OXR1: variants seen among roughly 807,000 people sequenced by gnomAD.
The protein encoded by OXR1 is oxidation resistance protein 1.
A neutral mutation model predicts 104.6 loss-of-function variants in OXR1; 41 were observed. The observed-to-expected ratio is 0.39, with a 90% CI of 0.31 to 0.51. The LOEUF is 0.51. OXR1 is among the 20% of genes least tolerant of loss of function. The pLI, the probability that OXR1 is intolerant of heterozygous loss-of-function variation, is 0.77. For synonymous variants in OXR1, 348 were observed against 348.4 expected (o/e 1.00, Z 0.01); for missense variants, 955 against 1,031.9 (o/e 0.93, Z 1.02).
chr8:106,560,004 A>C (rs998681261), intron 3 of OXR1, among the ~76,000 whole-genome samples: 3 of 152,228 alleles, frequency 2.0e-5, no homozygotes, highest in Non-Finnish European at 4.4e-5. Context: ...TTGCACAGAC[A>C]TGCAGTTCTT....
chr8:106,344,357 A>G (rs1245973239), intron 1 of OXR1, among the ~76,000 whole-genome samples: 1 of 151,774 alleles, frequency 6.6e-6, no homozygotes, highest in Non-Finnish European at 1.5e-5. Flanking sequence ...TTGTTTTTTG[A>G]GACGGTGTCT....
chr8:106,678,043 CTG>C (rs1827779934), intron 3 of OXR1, among the ~76,000 whole-genome samples: 1 of 152,064 alleles, frequency 6.6e-6, no homozygotes. Flanking sequence ...TAACTTAACA[CTG>C]TGTCAGATGC....
chr8:106,581,398 G>A (rs941445967), intron 3 of OXR1: 14 of 420,222 alleles, frequency 3.3e-5, no homozygotes, highest in Middle Eastern at 4.1e-4. Context: ...TAGTAGATTC[G>A]GATATTTGTT....
intron 1 of OXR1, among the ~76,000 whole-genome samples, chr8:106,320,816 C>G (rs7845833): frequency 0.32 from 48,914 of 151,924 alleles, 10,634 homozygotes; most frequent in African/African-American, 0.62. Flanking sequence ...GGATTACAGG[C>G]ATGTACCACC....
In OXR1 at chr8:106,447,924, A is replaced by G; in HGVS notation, c.24-71019A>G. The G allele has an allele frequency of 2.0e-6, 3 of 1,529,760 alleles. No homozygotes were observed. In the South Asian group the frequency reaches 3.6e-5, roughly 18 times the overall value. The allele number at this position is 1,529,760 out of a possible 1,614,324, so 94.8% of individuals were successfully genotyped here. A position where few individuals can be genotyped will look rare whatever the true frequency, so the allele number is the denominator to read the frequency against. ...CCTGGCGGAGGTAGTGGGTGGAGCT[A>G]ACGAGACATCTAGTACGGGGCTCAC... is the stretch of plus-strand genomic sequence containing the variant. On this transcript the variant is annotated intron_variant, in intron 2 of 16. Transcript: ENST00000517566.
chr8:106,548,873 G>T (rs1054975350), intron 3 of OXR1, among the ~76,000 whole-genome samples: 2 of 152,298 alleles, frequency 1.3e-5, no homozygotes, highest in African/African-American at 4.8e-5. Flanking sequence ...TATAAAATGT[G>T]CCATTTCTGG....
At chr8:106,490,523 T>A (rs1007282857) in intron 2 of OXR1, among the ~76,000 whole-genome samples, 11 of 151,620 alleles carry the variant, frequency 7.3e-5, no homozygotes, top group African/African-American at 2.7e-4. Flanking sequence ...CACACCCAGC[T>A]AATTTTGTGT....
At chr8:106,616,030 C>CTTTTTT (rs10718309) in intron 3 of OXR1, among the ~76,000 whole-genome samples, 9 of 73,330 alleles carry the variant, frequency 1.2e-4, no homozygotes, top group African/African-American at 2.7e-4. Flanking sequence ...GAAACACCTT[C>CTTTTTT]TTTTTTTTTT....
intron 2 of OXR1, among the ~76,000 whole-genome samples, chr8:106,469,240 G>A (rs1256568317): frequency 6.6e-6 from 1 of 151,570 alleles, no homozygotes; most frequent in Non-Finnish European, 1.5e-5. Flanking sequence ...CTCTGCTTTG[G>A]TAATCTATGG....
intron 2 of OXR1, among the ~76,000 whole-genome samples, chr8:106,502,338 A>C (rs945333169): frequency 3.3e-5 from 5 of 152,346 alleles, no homozygotes; most frequent in Middle Eastern, 3.4e-3. Flanking sequence ...AAAACACTCT[A>C]TGAAAATCTG....
chr8:106,291,064 T>C (rs1363324050), intron 1 of OXR1, among the ~76,000 whole-genome samples: 3 of 152,090 alleles, frequency 2.0e-5, no homozygotes, highest in Non-Finnish European at 2.9e-5. Flanking sequence ...TAGTGGTGGA[T>C]TGTATACAGA....
intron 3 of OXR1, chr8:106,580,947 G>A: frequency 1.0e-6 from 1 of 994,550 alleles, no homozygotes; most frequent in African/African-American, 1.7e-5. Flanking sequence ...TTGCTCTTTT[G>A]AACCTAAAAC....
chr8:106,281,768 C>G (rs1482480899), intron 1 of OXR1, among the ~76,000 whole-genome samples: 1 of 137,626 alleles, frequency 7.3e-6, no homozygotes, highest in Admixed American at 7.9e-5. Context: ...CCACTGCACT[C>G]TACCCTGGGT....
chr8:106,474,916 G>A (rs918747994), intron 2 of OXR1, among the ~76,000 whole-genome samples: 8 of 151,900 alleles, frequency 5.3e-5, no homozygotes, highest in African/African-American at 1.9e-4. Context: ...ATAGATTCTG[G>A]AACCCAAACT....
At chr8:106,289,960 G>T (rs1812680350) in intron 1 of OXR1, among the ~76,000 whole-genome samples, 1 of 152,108 alleles carries the variant, frequency 6.6e-6, no homozygotes, top group South Asian at 2.1e-4. Flanking sequence ...TGTGAAGAAG[G>T]ACATGTTTGC....
intron 3 of OXR1, among the ~76,000 whole-genome samples, chr8:106,531,074 T>C (rs913913320): frequency 1.3e-5 from 2 of 152,180 alleles, no homozygotes; most frequent in Non-Finnish European, 2.9e-5. Context: ...TTAATTTAGA[T>C]TGGTATCTTT....
chr8:106,648,255 C>G (rs766932350), intron 3 of OXR1, among the ~76,000 whole-genome samples: 7 of 152,128 alleles, frequency 4.6e-5, no homozygotes, highest in African/African-American at 7.2e-5. Context: ...GAGATAGGAG[C>G]TGGGGCAGGA....
At chr8:106,411,407 C>T (rs1818450873) in intron 2 of OXR1, among the ~76,000 whole-genome samples, 1 of 152,094 alleles carries the variant, frequency 6.6e-6, no homozygotes, top group South Asian at 2.1e-4. Context: ...ATAATGTGCA[C>T]ATGATGGCAT....
chr8:106,444,536 A>G (rs568052790), intron 2 of OXR1, among the ~76,000 whole-genome samples: 123 of 152,318 alleles, frequency 8.1e-4, no homozygotes, highest in African/African-American at 2.8e-3. Context: ...TGTCCTTTGC[A>G]GGGACATGGA....
Sources: allele counts gnomAD v4.1 joint callset (sites outside exome capture counted in the v4.1 genomes callset), GRCh38; gene constraint gnomAD v4.1.1; transcripts MANE v1.5; gene names NCBI Gene and HGNC (gene_info 2026-07-23, HGNC 2026-07-21).